Variants in FBRS observed in about 807,000 individuals in gnomAD.
FBRS encodes the protein fibrosin.
FBRS carries 15 observed loss-of-function variants against 86.1 expected under a neutral mutation model. The observed-to-expected ratio is 0.17, with a 90% CI of 0.12 to 0.27. FBRS has a LOEUF of 0.27. Among genes scored for constraint, FBRS ranks in the 10% least tolerant of loss-of-function variants. The pLI, the probability that FBRS is intolerant of heterozygous loss-of-function variation, is 1.00. For synonymous variants in FBRS, 666 were observed against 575.8 expected (o/e 1.16, Z -2.24); for missense variants, 1,367 against 1,301.6 (o/e 1.05, Z -0.77).
At chr16:30,666,128 C>A in intron 11 of FBRS, 1 of 420,422 alleles carries the variant, frequency 2.4e-6, no homozygotes, top group Non-Finnish European at 4.3e-6. Flanking sequence ...ACGCACAGGA[C>A]CAGTTTCCTA....
chr16:30,664,740 G>C lies in FBRS; in HGVS notation c.1383G>C (p.Leu461=). ...LSEQDLIGQD[L]NSRYLNAQGG... ...AGCAGGACCTGATCGGCCAGGACCT[G>C]AACTCTCGCTACCTGAATGCCCAGG... Residue 461 remains leucine (L), a synonymous_variant, in exon 8 of 18, where the codon CTG becomes CTC. Transcript: ENST00000356166. The C allele has an allele frequency of 1.3e-6, 2 of 1,548,356 alleles. No homozygotes were observed. The highest frequency in any genetic ancestry group is 1.7e-6 in the Non-Finnish European group (2 of 1,145,086).
At chr16:30,660,511 C>G in intron 2 of FBRS, 69 bp downstream of exon 2, 3 of 1,257,138 alleles carry the variant, frequency 2.4e-6, no homozygotes, top group Non-Finnish European at 3.0e-6. Flanking sequence ...ATCAGCAACG[C>G]CACTGCCCCT....
chr16:30,662,902 TC>T (rs1175545783), intron 6 of FBRS, 43 bp downstream of exon 6: 7 of 1,405,270 alleles, frequency 5.0e-6, no homozygotes, highest in Non-Finnish European at 6.5e-6. Context: ...AAGGGCCTGG[TC>T]AGTTTGGTGG....
rs1425241732 is a variant in FBRS at position 30,659,596 on chromosome 16, C to T, written c.78C>T (p.Arg26=). 5 of 363,904 alleles carry T rather than the reference C, an allele frequency of 1.4e-5. No individual in the cohort carries two copies. The highest frequency in any genetic ancestry group is 9.5e-5 in the Admixed American group (2 of 21,024). The allele number at this position is 363,904 out of a possible 1,614,324, so 22.5% of individuals were successfully genotyped here. The change falls in exon 1 of 18, where the codon CGC becomes CGT. Residue 26 remains arginine, a synonymous_variant. Coordinates refer to ENST00000356166, the MANE Select transcript of FBRS (RefSeq NM_001105079.3). The part of the protein sequence containing the change: ...EGERRRRRCS[R]RDRDREQRRR... The stretch of plus-strand genomic sequence containing the variant: ...AGCGCCGACGGCGGCGCTGCTCGCG[C>T]CGAGACCGAGACCGGGAGCAGCGGC...
rs553153272 is a variant in FBRS, at chr16:30,669,738, G to A, written c.*93G>A. 147 of 1,419,014 alleles carry A rather than the reference G, an allele frequency of 1.0e-4. No individual in the cohort carries two copies. In the African/African-American group the frequency reaches 1.9e-3, roughly 19 times the overall value. The allele number at this position is 1,419,014 out of a possible 1,614,324, so 87.9% of individuals were successfully genotyped here. On this transcript the variant is annotated 3_prime_UTR_variant, in exon 18 of 18. Coordinates refer to ENST00000356166, the MANE Select transcript of FBRS (RefSeq NM_001105079.3). The surrounding 1 kb of genome is among the most constrained non-coding windows in gnomAD (Gnocchi z 5.9). ...TTTTAAGCCAGGGCTGGAGGGCAAAGGTCATAACCTCACCAGCCACCTCTG... is the reference window on the plus strand; with the variant it reads ...TTTTAAGCCAGGGCTGGAGGGCAAAAGTCATAACCTCACCAGCCACCTCTG...
In FBRS at chr16:30,669,204, C is replaced by CGCTGCCGCTGCT. The variant is rs758950937; in HGVS notation, c.2511_2522dup (p.Ala846_Ala849dup). 1.7e-5 allele frequency: 27 copies of CGCTGCCGCTGCT among 1,544,162 alleles called. No homozygotes were observed. In the Admixed American group the frequency reaches 2.2e-4, roughly 12 times the overall value. ...AGCGGAAGGAGGAGGCTGCCGCCGC[C>CGCTGCCGCTGCT]GCTGCCGCTGCTGCTGCCGCCGCCG... On this transcript the variant is annotated inframe_insertion, in exon 18 of 18. Coordinates refer to ENST00000356166, the MANE Select transcript of FBRS (RefSeq NM_001105079.3). The surrounding 1 kb of genome is among the most constrained non-coding windows in gnomAD (Gnocchi z 5.9).
Position 30,661,121 on chromosome 16 carries a change from G to A in FBRS, c.640-59G>A, listed in dbSNP as rs2052454929. The A allele has an allele frequency of 2.6e-6, 4 of 1,549,076 alleles. No individual in the cohort carries two copies. In the South Asian group the frequency reaches 4.8e-5, roughly 18 times the overall value. On this transcript the variant is annotated intron_variant, in intron 2 of 17. Coordinates refer to ENST00000356166, the MANE Select transcript of FBRS (RefSeq NM_001105079.3). Reference sequence around the variant, plus strand: ...CCATGAGCGCCCTGCTGGGAGCTGCGACTTTCCCAGCTGCCTCAGCAGCCG... The same window carrying A: ...CCATGAGCGCCCTGCTGGGAGCTGCAACTTTCCCAGCTGCCTCAGCAGCCG...
chr16:30,665,582 TC>T lies in FBRS; in HGVS notation c.1705-53del. ...CCCAGTGTCCCAGCTTGGTTCTGGA[TC>T]CCTTTGTGCTTGGTGCCAGCTCTCC... On this transcript the variant is annotated intron_variant, in intron 10 of 17. Coordinates refer to ENST00000356166, the MANE Select transcript of FBRS (RefSeq NM_001105079.3). The surrounding 1 kb of genome is among the most constrained non-coding windows in gnomAD (Gnocchi z 4.1). 2.6e-6 allele frequency: 4 copies of T among 1,542,334 alleles called. No individual in the cohort carries two copies. Among genetic ancestry groups the T allele is most frequent in the Non-Finnish European group, 3.5e-6 (4 of 1,137,814 alleles).
Position 30,669,347 on chromosome 16 carries a change from C to A in FBRS, c.2645C>A (p.Pro882Gln). The A allele has an allele frequency of 1.2e-6, 2 of 1,612,414 alleles. No homozygotes were observed. The highest frequency in any genetic ancestry group is 1.7e-6 in the Non-Finnish European group (2 of 1,179,612). ...PPDRCAGFLEPTWLAAPPRLA... is the reference protein window; with the variant it reads ...PPDRCAGFLEQTWLAAPPRLA... ...GATCGCTGTGCTGGCTTCCTGGAGC[C>A]AACCTGGTTGGCAGCACCCCCACGC... Residue 882 changes from proline to glutamine, a missense_variant, in exon 18 of 18, where the codon CCA (proline) becomes CAA (glutamine). By Grantham distance (76) the Pro-to-Gln change is moderately conservative. Transcript: ENST00000356166. The surrounding 1 kb of genome is among the most constrained non-coding windows in gnomAD (Gnocchi z 5.9).
At chr16:30,666,091 A>G (rs2052519165) in intron 11 of FBRS, 1 of 402,364 alleles carries the variant, frequency 2.5e-6, no homozygotes, top group Non-Finnish European at 4.5e-6. Flanking sequence ...AGCAGTGTAG[A>G]CCCCAGGGCT....
At chr16:30,660,190 A>C in intron 1 of FBRS, 73 bp from the exon 2 acceptor site, 2 of 1,412,786 alleles carry the variant, frequency 1.4e-6, no homozygotes, top group South Asian at 3.1e-5. Flanking sequence ...GTACTTCGGC[A>C]ACCTGGTCAC....
Position 30,660,393 on chromosome 16 carries a change from C to T in FBRS, c.590C>T (p.Pro197Leu), listed in dbSNP as rs1435487294. The part of the protein sequence containing the change: ...GDSSDREPGR[P>L]PGDRARKWPN... ...AGCTCTGATCGAGAGCCTGGCCGGCCCCCTGGGGATCGGGCCCGAAAATGG... is the reference window on the plus strand; with the variant it reads ...AGCTCTGATCGAGAGCCTGGCCGGCTCCCTGGGGATCGGGCCCGAAAATGG... Residue 197 changes from proline to leucine, a missense_variant, in exon 2 of 18, where the codon CCC becomes CTC. Pro to Leu is a moderately conservative substitution (Grantham distance 98, BLOSUM62 -3). Coordinates refer to ENST00000356166, the MANE Select transcript of FBRS (RefSeq NM_001105079.3). The T allele has an allele frequency of 6.3e-6, 8 of 1,262,092 alleles. No homozygotes were observed. The highest frequency in any genetic ancestry group is 5.0e-6 in the Non-Finnish European group (5 of 994,388). 78.2% of individuals were successfully genotyped at this position (1,262,092 alleles called of 1,614,324 possible).
chr16:30,663,638 AAGCAGGTGCCAGCACTTGGCCTAC>A (rs1173314297), intron 6 of FBRS, among the ~76,000 whole-genome samples: 4 of 152,218 alleles, frequency 2.6e-5, no homozygotes, highest in Admixed American at 2.6e-4. Context: ...TTAGCTTTTA[AAGCAGGTGCCAGCACTTGGCCTAC>A]AGCAGGTGCT....
chr16:30,665,353 C>T lies in FBRS; in HGVS notation c.1656C>T (p.Leu552=), dbSNP rs1245000323. The change falls in exon 10 of 18, where the codon CTC becomes CTT. Residue 552 remains leucine, a synonymous_variant. Transcript: ENST00000356166. This position sits in a 1 kb window ranked among gnomAD's most constrained non-coding sequence, Gnocchi z 4.1. ...CAGTGCCCGGGCTGCCTCCGGGCCT[C>T]CCGCCGGCCGTCTCCTTTGGCTCCC... ...PPAVPGLPPG[L]PPAVSFGSLQ... The T allele has an allele frequency of 1.3e-6, 2 of 1,569,896 alleles. No individual in the cohort carries two copies. The highest frequency in any genetic ancestry group is 2.3e-5 in the South Asian group (2 of 85,688).
intron 12 of FBRS, 114 bp downstream of exon 12, chr16:30,666,655 A>G (rs548158132): frequency 1.3e-6 from 2 of 1,532,916 alleles, no homozygotes; most frequent in East Asian, 2.3e-5. Flanking sequence ...GGAGGCAGCC[A>G]GATGTGGAAC....
At position 30,665,016 on chromosome 16, in the gene FBRS, C is replaced by T. The variant is rs1214627393; in HGVS notation, c.1564-19C>T. On this transcript the variant is annotated intron_variant, in intron 8 of 17. Transcript: ENST00000356166. The surrounding 1 kb of genome is among the most constrained non-coding windows in gnomAD (Gnocchi z 4.1). ...CCGGGTCCCTGGCTGGCAGCTTACT[C>T]TTCCCTTCTCTTCCCTAGTTTGAGA... 3 of 1,612,928 alleles carry T rather than the reference C, an allele frequency of 1.9e-6. No homozygotes were observed. Among genetic ancestry groups the T allele is most frequent in the Admixed American group, 1.7e-5 (1 of 59,864 alleles).
At position 30,665,224 on chromosome 16, in the gene FBRS, T is replaced by G; in HGVS notation, c.1609-82T>G. 1 of 1,509,004 alleles carries G rather than the reference T, an allele frequency of 6.6e-7. No individual in the cohort carries two copies. Among genetic ancestry groups the G allele is most frequent in the Non-Finnish European group, 8.9e-7 (1 of 1,118,136 alleles). The allele number at this position is 1,509,004 out of a possible 1,614,324, so 93.5% of individuals were successfully genotyped here. A position where few individuals can be genotyped will look rare whatever the true frequency, so the allele number is the denominator to read the frequency against. ...GACAGCTCCCTGGGGGGCTTTAGGG[T>G]GGAGGCCCGTGGACTGACGGGCAGG... On this transcript the variant is annotated intron_variant, in intron 9 of 17. Coordinates refer to ENST00000356166, the MANE Select transcript of FBRS (RefSeq NM_001105079.3). The surrounding 1 kb of genome is among the most constrained non-coding windows in gnomAD (Gnocchi z 4.1).
At chr16:30,668,410 C>T (rs887676474) in intron 15 of FBRS, 150 bp from the exon 16 acceptor site, 33 of 681,686 alleles carry the variant, frequency 4.8e-5, no homozygotes, top group Non-Finnish European at 7.7e-5. Flanking sequence ...AGCTCAACAC[C>T]TTCCTGGCCC....
At chr16:30,664,961 C>T in intron 8 of FBRS, 41 bp downstream of exon 8, 2 of 1,609,202 alleles carry the variant, frequency 1.2e-6, no homozygotes, top group South Asian at 2.2e-5. Context: ...TCGGAGGCCT[C>T]TGGGGAGGGC....
Sources: allele counts gnomAD v4.1 joint callset (sites outside exome capture counted in the v4.1 genomes callset), GRCh38; gene constraint gnomAD v4.1.1; non-coding constraint Gnocchi (gnomAD v3.1); transcripts MANE v1.5; gene names NCBI Gene and HGNC (gene_info 2026-07-23, HGNC 2026-07-21).